The following CSMD1 variants were observed in gnomAD, a reference collection of about 807,000 sequenced individuals.
CSMD1 encodes CUB and sushi domain-containing protein 1.
A neutral mutation model predicts 417.5 loss-of-function variants in CSMD1; 213 were observed. The observed-to-expected ratio is 0.51, with a 90% CI of 0.46 to 0.57. CSMD1 has a LOEUF of 0.57. Among genes scored for constraint, CSMD1 ranks in the 20% least tolerant of loss-of-function variants. CSMD1 has a pLI of 0.00. For missense variants in CSMD1, 6,923 were observed against 4,529.7 expected (o/e 1.53, Z -15.17); for synonymous variants, 2,862 against 1,736.8 (o/e 1.65, Z -16.11).
intron 1 of CSMD1, among the ~76,000 whole-genome samples, chr8:4,818,524 T>C (rs1799335911): frequency 6.6e-6 from 1 of 152,124 alleles, no homozygotes; most frequent in Non-Finnish European, 1.5e-5. Flanking sequence ...GTATTAAGAA[T>C]AATATTATAT....
chr8:3,668,397 T>C (rs1340596405), intron 7 of CSMD1, among the ~76,000 whole-genome samples: 1 of 152,126 alleles, frequency 6.6e-6, no homozygotes, highest in Non-Finnish European at 1.5e-5. Flanking sequence ...TAAATATGTA[T>C]TTTTAAGATA....
rs1394459005 is a variant in CSMD1 at position 4,802,761 on chromosome 8, A to C, written c.86-165203T>G. Among the ~76,000 whole-genome samples, 3 of 152,212 alleles carry C rather than the reference A, an allele frequency of 2.0e-5. No individual in the cohort carries two copies. In the East Asian group the frequency reaches 5.8e-4, roughly 29 times the overall value. On this transcript the variant is annotated intron_variant, in intron 1 of 69. Transcript: ENST00000635120. ...AATATGTCAACAATCATTTATTGTT[A>C]TACTCATTCTCGCTTCCTGACATAG... is the stretch of plus-strand genomic sequence containing the variant.
intron 38 of CSMD1, among the ~76,000 whole-genome samples, chr8:3,159,269 T>A (rs1235601275): frequency 6.6e-6 from 1 of 152,190 alleles, no homozygotes; most frequent in East Asian, 1.9e-4. Flanking sequence ...TATAAACGTT[T>A]CCGATGAGCG....
intron 1 of CSMD1, among the ~76,000 whole-genome samples, chr8:4,964,688 G>C (rs894479332): frequency 1.2e-4 from 18 of 151,970 alleles, no homozygotes; most frequent in Admixed American, 7.2e-4. Flanking sequence ...CCATTCTCCA[G>C]GTTCCAGAAA....
intron 1 of CSMD1, among the ~76,000 whole-genome samples, chr8:4,740,210 G>A (rs75277683): frequency 0.028 from 4,229 of 152,138 alleles, 79 homozygotes; most frequent in South Asian, 0.057. Flanking sequence ...TTTCACCCCA[G>A]GAACAAGTGG....
chr8:3,785,895 T>A (rs1017124282), intron 5 of CSMD1, among the ~76,000 whole-genome samples: 12 of 152,238 alleles, frequency 7.9e-5, no homozygotes, highest in Non-Finnish European at 2.9e-5. Context: ...GTCTAAACAT[T>A]AACAAGATTT....
intron 8 of CSMD1, among the ~76,000 whole-genome samples, chr8:3,591,194 T>A (rs369274985): frequency 1.3e-5 from 2 of 152,194 alleles, no homozygotes; most frequent in Non-Finnish European, 2.9e-5. Context: ...ACAATAAATA[T>A]CACACAGCAA....
At chr8:3,452,095 A>G (rs1298266994) in intron 12 of CSMD1, among the ~76,000 whole-genome samples, 1 of 152,142 alleles carries the variant, frequency 6.6e-6, no homozygotes, top group Non-Finnish European at 1.5e-5. Context: ...ATGGGAGTTC[A>G]CTCATGATTT....
chr8:4,416,094 T>A (rs1422090248), intron 3 of CSMD1, among the ~76,000 whole-genome samples: 1 of 152,222 alleles, frequency 6.6e-6, no homozygotes, highest in Admixed American at 6.5e-5. Context: ...CCAATTGTTA[T>A]GAAAAATTGT....
chr8:3,362,773 C>A (rs1436380545), intron 20 of CSMD1, among the ~76,000 whole-genome samples: 1 of 152,082 alleles, frequency 6.6e-6, no homozygotes. Context: ...ATCTTGACCC[C>A]ACTCTGTATT....
At chr8:4,604,736 G>A (rs774941531) in intron 2 of CSMD1, among the ~76,000 whole-genome samples, 10 of 152,082 alleles carry the variant, frequency 6.6e-5, no homozygotes, top group Non-Finnish European at 1.5e-4. Flanking sequence ...TAACATTTAT[G>A]CACAAAATAT....
intron 1 of CSMD1, among the ~76,000 whole-genome samples, chr8:4,761,963 C>G (rs753734046): frequency 6.7e-6 from 1 of 149,626 alleles, no homozygotes; most frequent in Non-Finnish European, 1.5e-5. Flanking sequence ...ATCTATCTAT[C>G]TAGATTCCCA....
intron 1 of CSMD1, among the ~76,000 whole-genome samples, chr8:4,801,722 C>G (rs1361261045): frequency 6.6e-6 from 1 of 151,664 alleles, no homozygotes; most frequent in African/African-American, 2.4e-5. Context: ...ACCCACCACC[C>G]CACATTAATA....
chr8:4,539,800 T>G (rs1002027629), intron 2 of CSMD1, among the ~76,000 whole-genome samples: 6 of 152,208 alleles, frequency 3.9e-5, no homozygotes, highest in African/African-American at 1.4e-4. Flanking sequence ...TCTGGTTTAT[T>G]TTCCATATGG....
chr8:3,778,370 G>T (rs749109153), intron 5 of CSMD1, among the ~76,000 whole-genome samples: 2 of 152,080 alleles, frequency 1.3e-5, no homozygotes, highest in African/African-American at 2.4e-5. Context: ...GAATCATTTC[G>T]GTAAGAAGAC....
At chr8:3,649,028 C>T (rs11136650) in intron 7 of CSMD1, among the ~76,000 whole-genome samples, 64,145 of 151,948 alleles carry the variant, frequency 0.42, 13,761 homozygotes, top group South Asian at 0.58. Context: ...TCCAAGGTCA[C>T]AGAGTTCATC....
chr8:3,987,615 G>C (rs1814430125), intron 5 of CSMD1, among the ~76,000 whole-genome samples: 1 of 152,174 alleles, frequency 6.6e-6, no homozygotes. Context: ...CCAATTCTGA[G>C]AACTGTGAAG....
At chr8:4,575,094 C>T (rs1057273539) in intron 2 of CSMD1, among the ~76,000 whole-genome samples, 11 of 152,154 alleles carry the variant, frequency 7.2e-5, no homozygotes, top group Admixed American at 6.5e-4. Context: ...AGCCAAAATG[C>T]ACTAACATGT....
chr8:3,885,603 T>A (rs1023470205), intron 5 of CSMD1, among the ~76,000 whole-genome samples: 2 of 152,186 alleles, frequency 1.3e-5, no homozygotes, highest in African/African-American at 4.8e-5. Context: ...CAGAATCGGC[T>A]ATGATGAGCG....
Sources: allele counts gnomAD v4.1 joint callset (sites outside exome capture counted in the v4.1 genomes callset), GRCh38; gene constraint gnomAD v4.1.1; transcripts MANE v1.5; gene names NCBI Gene and HGNC (gene_info 2026-07-23, HGNC 2026-07-21).